The following ROBO1 variants were observed in gnomAD, a reference collection of about 807,000 sequenced individuals.
The protein encoded by ROBO1 is roundabout homolog 1.
ROBO1 carries 149 observed loss-of-function variants against 195.9 expected under a neutral mutation model. The observed-to-expected ratio is 0.76, with a 90% CI of 0.67 to 0.87. The LOEUF (loss-of-function observed/expected upper bound fraction) is 0.87. ROBO1 is among the 40% of genes least tolerant of loss of function. The probability of loss-of-function intolerance (pLI) is 0.00; values close to 1 mark genes in which losing one functional copy is unlikely to be tolerated. For missense variants in ROBO1, 1,933 were observed against 2,068.3 expected, an observed-to-expected ratio of 0.93 and a Z score of 1.27; for synonymous variants, 816 against 733.2, an observed-to-expected ratio of 1.11 and a Z score of -1.82.
chr3:79,391,346 G>A (rs1173841853), intron 2 of ROBO1, among the ~76,000 whole-genome samples: 1 of 151,920 alleles, frequency 6.6e-6, no homozygotes, highest in African/African-American at 2.4e-5. Context: ...ATTCCATGCT[G>A]GTCCTAACAC....
intron 2 of ROBO1, among the ~76,000 whole-genome samples, chr3:79,360,939 T>C (rs142056941): frequency 3.3e-4 from 50 of 152,202 alleles, no homozygotes; most frequent in Non-Finnish European, 5.3e-4. Context: ...ACCTCAATAG[T>C]TTTGGATTCA....
chr3:78,809,035 GAA>G (rs1219053484), intron 4 of ROBO1, among the ~76,000 whole-genome samples: 1 of 152,002 alleles, frequency 6.6e-6, no homozygotes, highest in African/African-American at 2.4e-5. Context: ...CACAGTAAAA[GAA>G]ACTACCATCA....
intron 1 of ROBO1, among the ~76,000 whole-genome samples, chr3:79,633,860 T>TGTCC (rs1181111545): frequency 6.6e-6 from 1 of 152,138 alleles, no homozygotes; most frequent in Non-Finnish European, 1.5e-5. Flanking sequence ...ACTGAAGCTG[T>TGTCC]GTCCATCTCT....
At position 79,580,505 on chromosome 3, in the gene ROBO1, A is replaced by G. The variant is rs1438633288; in HGVS notation, c.88+9319T>C. ...TCAATAAATAAATAAATAAACACACAAACAAATAAATAAATAAAATAAATA... is the reference window on the plus strand; with the variant it reads ...TCAATAAATAAATAAATAAACACACGAACAAATAAATAAATAAAATAAATA... On this transcript the variant is annotated intron_variant, in intron 2 of 30. Coordinates refer to ENST00000464233, the MANE Select transcript of ROBO1 (RefSeq NM_002941.4). 2.0e-5 allele frequency among the ~76,000 whole-genome samples: 3 copies of G among 152,026 alleles called. 1 individual carries two copies. The highest frequency in any genetic ancestry group is 6.6e-5 in the Admixed American group (1 of 15,236).
intron 2 of ROBO1, among the ~76,000 whole-genome samples, chr3:79,393,871 C>T (rs2037042967): frequency 6.6e-6 from 1 of 152,104 alleles, no homozygotes; most frequent in Non-Finnish European, 1.5e-5. Flanking sequence ...GGAACCCGAA[C>T]ATCTGAATAA....
At chr3:79,507,645 T>C (rs557681955) in intron 2 of ROBO1, among the ~76,000 whole-genome samples, 1 of 152,278 alleles carries the variant, frequency 6.6e-6, no homozygotes, top group African/African-American at 2.4e-5. Flanking sequence ...TATATCCACA[T>C]TTTACTTGGA....
chr3:79,243,354 T>G (rs1203884054), intron 2 of ROBO1, among the ~76,000 whole-genome samples: 2 of 152,180 alleles, frequency 1.3e-5, no homozygotes, highest in Non-Finnish European at 1.5e-5. Context: ...TACCCAGTAA[T>G]GGGATGGCTG....
chr3:79,159,563 C>A (rs2080918666), intron 2 of ROBO1, among the ~76,000 whole-genome samples: 1 of 151,926 alleles, frequency 6.6e-6, no homozygotes, highest in African/African-American at 2.4e-5. Flanking sequence ...TTGAAGAGAG[C>A]AACCATTTGA....
intron 3 of ROBO1, among the ~76,000 whole-genome samples, chr3:79,059,713 C>T (rs1000171467): frequency 3.9e-5 from 6 of 152,064 alleles, no homozygotes; most frequent in African/African-American, 1.4e-4. Flanking sequence ...CCAATCAATA[C>T]TCTTATAATT....
chr3:78,715,787 C>T (rs1396207407), intron 7 of ROBO1, among the ~76,000 whole-genome samples: 4 of 152,174 alleles, frequency 2.6e-5, no homozygotes, highest in South Asian at 2.1e-4. Context: ...CCGCCCTCCT[C>T]GGCCTCCCAA....
At chr3:79,424,932 C>T (rs1417202021) in intron 2 of ROBO1, among the ~76,000 whole-genome samples, 1 of 152,012 alleles carries the variant, frequency 6.6e-6, no homozygotes, top group African/African-American at 2.4e-5. Flanking sequence ...TGAAGTCATG[C>T]TAGAAGGAAG....
rs1358035181 is a variant in ROBO1 at position 79,523,705 on chromosome 3, T to C, written c.88+66119A>G. On this transcript the variant is annotated intron_variant, in intron 2 of 30. Transcript: ENST00000464233. The stretch of plus-strand genomic sequence containing the variant: ...GTCAGGCTGGTCTTCAACTCCTGAC[T>C]TCAGATGATCCACTCGCCTTGGCCT... Among the ~76,000 whole-genome samples, 6 of 152,126 alleles carry C rather than the reference T, an allele frequency of 3.9e-5. No homozygotes were observed. The South Asian group carries it at 8.3e-4, about 21-fold the overall frequency.
intron 1 of ROBO1, among the ~76,000 whole-genome samples, chr3:79,642,390 C>G (rs1945692160): frequency 6.6e-6 from 1 of 152,096 alleles, no homozygotes; most frequent in Non-Finnish European, 1.5e-5. Context: ...CTTTCCAAAA[C>G]TTGAGAAAGA....
intron 3 of ROBO1, among the ~76,000 whole-genome samples, chr3:79,059,142 A>T (rs897226496): frequency 6.6e-6 from 1 of 152,062 alleles, no homozygotes; most frequent in Non-Finnish European, 1.5e-5. Flanking sequence ...TTTCTTCATC[A>T]CCCCGTATTC....
intron 2 of ROBO1, among the ~76,000 whole-genome samples, chr3:79,318,117 T>C (rs936195939): frequency 6.6e-6 from 1 of 152,150 alleles, no homozygotes; most frequent in South Asian, 2.1e-4. Flanking sequence ...ACTTCAATGA[T>C]TGGATGAGGA....
intron 3 of ROBO1, among the ~76,000 whole-genome samples, chr3:79,012,905 G>A (rs2077822547): frequency 6.6e-6 from 1 of 152,140 alleles, no homozygotes; most frequent in South Asian, 2.1e-4. Context: ...GCTGAAAGTG[G>A]AGGGAGAAGG....
chr3:79,125,472 A>G lies in ROBO1; in HGVS notation c.156T>C (p.Asn52=). ...ACACTCTACCTGTATAGCCCAGCGA[A>G]TTGTCATCGTTATCAGAGGTGGGGA... ...TPIPTSDNDD[N]SLGYTGSRLR... Residue 52 remains asparagine (N), a synonymous_variant, in exon 3 of 31, where the codon AAT becomes AAC. Transcript: ENST00000464233. 1 of 1,613,552 alleles carries G rather than the reference A, an allele frequency of 6.2e-7. No homozygotes were observed. Among genetic ancestry groups the G allele is most frequent in the Non-Finnish European group, 8.5e-7 (1 of 1,179,710 alleles).
chr3:78,844,816 T>C (rs1163312865), intron 4 of ROBO1, among the ~76,000 whole-genome samples: 2 of 152,124 alleles, frequency 1.3e-5, no homozygotes, highest in Admixed American at 6.6e-5. Context: ...CAATAATTAG[T>C]GAATCCTGCT....
chr3:78,716,005 T>G (rs2081893598), intron 7 of ROBO1, among the ~76,000 whole-genome samples: 1 of 152,210 alleles, frequency 6.6e-6, no homozygotes, highest in Admixed American at 6.5e-5. Flanking sequence ...CATGCTAAAC[T>G]TTATGCCATT....
Sources: allele counts gnomAD v4.1 joint callset (sites outside exome capture counted in the v4.1 genomes callset), GRCh38; gene constraint gnomAD v4.1.1; transcripts MANE v1.5; gene names NCBI Gene and HGNC (gene_info 2026-07-23, HGNC 2026-07-21).